SLC30A8: variants seen among roughly 807,000 people sequenced by gnomAD.
SLC30A8 encodes the protein proton-coupled zinc antiporter SLC30A8.
SLC30A8 carries 27 observed loss-of-function variants against 36.9 expected under a neutral mutation model. That is an observed-to-expected ratio of 0.73 (90% CI 0.54 to 1.01). The LOEUF (loss-of-function observed/expected upper bound fraction) is 1.01, where lower values mean the gene tolerates loss of function less well. Among genes scored for constraint, SLC30A8 ranks in the 50% least tolerant of loss-of-function variants. The probability of loss-of-function intolerance (pLI) is 0.00; values close to 1 mark genes in which losing one functional copy is unlikely to be tolerated. For synonymous variants in SLC30A8, 164 were observed against 172.4 expected (o/e 0.95, Z 0.38); for missense variants, 439 against 452.0 (o/e 0.97, Z 0.26).
At chr8:116,965,687 C>T (rs1306995347) in intron 1 of SLC30A8, among the ~76,000 whole-genome samples, 3 of 152,126 alleles carry the variant, frequency 2.0e-5, no homozygotes, top group Admixed American at 2.0e-4. Context: ...CATTCTCTTT[C>T]CCCTCCTGAC....
At position 117,170,894 on chromosome 8, in the gene SLC30A8, T is replaced by C. The variant is rs115080302; in HGVS notation, c.830-140T>C. On this transcript the variant is annotated intron_variant, in intron 6 of 7. Transcript: ENST00000456015. The stretch of plus-strand genomic sequence containing the variant: ...CCTTGAAGTAGTCAGGTAAATCTTA[T>C]TTGTAAACATTTGAAGTAAGAAACC... 4,367 of 676,670 alleles carry C rather than the reference T, an allele frequency of 6.5e-3. 107 individuals carry two copies. The highest frequency in any genetic ancestry group is 0.058 in the East Asian group (2,016 of 35,032). The allele number at this position is 676,670 out of a possible 1,614,324, so 41.9% of individuals were successfully genotyped here.
chr8:117,040,040 C>T (rs879829218), intron 2 of SLC30A8, among the ~76,000 whole-genome samples: 12 of 152,210 alleles, frequency 7.9e-5, no homozygotes, highest in Non-Finnish European at 1.6e-4. Context: ...CCCCATCTCA[C>T]GTAGCCTGTG....
At chr8:116,967,676 G>A (rs760421404) in intron 1 of SLC30A8, among the ~76,000 whole-genome samples, 1 of 152,104 alleles carries the variant, frequency 6.6e-6, no homozygotes, top group Non-Finnish European at 1.5e-5. Flanking sequence ...GGTTTCTTAC[G>A]GTGGCGTGTA....
chr8:116,955,769 G>A (rs796165270), intron 1 of SLC30A8, among the ~76,000 whole-genome samples: 1 of 151,916 alleles, frequency 6.6e-6, no homozygotes, highest in Non-Finnish European at 1.5e-5. Flanking sequence ...CAGAGATGCT[G>A]AGGTTTGTTG....
At chr8:116,985,262 G>T (rs980661038) in intron 1 of SLC30A8, among the ~76,000 whole-genome samples, 10 of 147,986 alleles carry the variant, frequency 6.8e-5, no homozygotes, top group Non-Finnish European at 1.3e-4. Context: ...ATTTCTCTAA[G>T]TATATGCAAG....
At chr8:117,079,782 A>G (rs1818605597) in intron 2 of SLC30A8, among the ~76,000 whole-genome samples, 1 of 152,234 alleles carries the variant, frequency 6.6e-6, no homozygotes, top group Admixed American at 6.5e-5. Context: ...ATAGAGAAAC[A>G]GACAACTGGG....
intron 1 of SLC30A8, among the ~76,000 whole-genome samples, chr8:117,007,889 A>G (rs1816232779): frequency 6.6e-6 from 1 of 152,060 alleles, no homozygotes; most frequent in South Asian, 2.1e-4. Context: ...ACACAAAAAC[A>G]CTTAAAAACA....
intron 1 of SLC30A8, among the ~76,000 whole-genome samples, chr8:117,015,349 A>C (rs1487069807): frequency 2.6e-5 from 4 of 152,082 alleles, no homozygotes; most frequent in Admixed American, 1.3e-4. Flanking sequence ...CAGACACACA[A>C]ACACATACAC....
At chr8:116,966,204 G>A (rs1462475931) in intron 1 of SLC30A8, among the ~76,000 whole-genome samples, 5 of 152,134 alleles carry the variant, frequency 3.3e-5, no homozygotes, top group Admixed American at 1.3e-4. Flanking sequence ...TGTAGCTGAA[G>A]CATGGTATAA....
At chr8:117,132,193 T>C (rs766741174), upstream of SLC30A8, among the ~76,000 whole-genome samples, 1 of 152,058 alleles carries the variant, frequency 6.6e-6, no homozygotes, top group Non-Finnish European at 1.5e-5. Flanking sequence ...TACTTTAGTA[T>C]CTAGGGATAA....
At chr8:117,093,390 T>G (rs1819218930) in intron 2 of SLC30A8, among the ~76,000 whole-genome samples, 1 of 151,730 alleles carries the variant, frequency 6.6e-6, no homozygotes, top group Non-Finnish European at 1.5e-5. Flanking sequence ...CAAATAAGAC[T>G]TAATAAGAAT....
chr8:117,054,098 C>CTTTTTTTTTTTTTTTTT (rs4060800), intron 2 of SLC30A8, among the ~76,000 whole-genome samples: 1 of 124,170 alleles, frequency 8.1e-6, no homozygotes, highest in African/African-American at 3.1e-5. Flanking sequence ...CTGCAAAAAT[C>CTTTTTTTTTTTTTTTTT]TTTTTTTTTT....
At chr8:117,013,172 A>G (rs542578526) in intron 1 of SLC30A8, among the ~76,000 whole-genome samples, 1 of 152,326 alleles carries the variant, frequency 6.6e-6, no homozygotes, top group South Asian at 2.1e-4. Flanking sequence ...TAGAAATGTC[A>G]AGAAATTTGG....
intron 1 of SLC30A8, among the ~76,000 whole-genome samples, chr8:117,137,505 CT>C (rs1229716959): frequency 4.6e-5 from 7 of 151,978 alleles, no homozygotes; most frequent in African/African-American, 7.2e-5. Flanking sequence ...TTACGATTCT[CT>C]GGGTCAGGAT....
intron 1 of SLC30A8, among the ~76,000 whole-genome samples, chr8:117,026,609 T>C (rs994277471): frequency 6.6e-6 from 1 of 152,186 alleles, no homozygotes; most frequent in African/African-American, 2.4e-5. Flanking sequence ...AGAAAAGCTC[T>C]TAGATGAAGT....
In SLC30A8 at chr8:117,175,362, C is replaced by G. The variant is rs560731778; in HGVS notation, c.*2681C>G. ...GCACCTACTTAAGATTTATCTAGGG[C>G]TCTGTGGTGATGTTAGGACCCATAA... On this transcript the variant is annotated 3_prime_UTR_variant, in exon 8 of 8. Coordinates refer to ENST00000456015, the MANE Select transcript of SLC30A8 (RefSeq NM_173851.3). 1 of 152,102 alleles carries G rather than the reference C, an allele frequency of 6.6e-6. No individual in the cohort carries two copies. The highest frequency in any genetic ancestry group is 2.4e-5 in the African/African-American group (1 of 41,434). The allele number at this position is 152,102 out of a possible 1,614,324, so 9.4% of individuals were successfully genotyped here.
rs17744897 is a variant in SLC30A8, at chr8:117,008,778, C to A, written c.-265-30441C>A. ...GCTTTGTGTAGCCCAGTGTTGCCTT[C>A]AGCCCCAGAGCCTAGCCTGATGATA... On this transcript the variant is annotated intron_variant, in intron 1 of 10. Transcript: ENST00000427715. Among the ~76,000 whole-genome samples, 1,850 of 152,302 alleles carry A rather than the reference C, an allele frequency of 0.012. 81 individuals are homozygous for A. In the East Asian group the frequency reaches 0.17, roughly 14 times the overall value.
chr8:117,116,898 T>C (rs1820466739), intron 2 of SLC30A8, among the ~76,000 whole-genome samples: 1 of 152,036 alleles, frequency 6.6e-6, no homozygotes, highest in Non-Finnish European at 1.5e-5. Flanking sequence ...AGAAGGCCAG[T>C]ATTTGGGCAA....
intron 1 of SLC30A8, among the ~76,000 whole-genome samples, chr8:116,986,927 A>G (rs1815462730): frequency 1.3e-5 from 2 of 152,160 alleles, no homozygotes; most frequent in Admixed American, 6.6e-5. Flanking sequence ...TTCATGTTCT[A>G]AGAAGAAATG....
Sources: allele counts gnomAD v4.1 joint callset (sites outside exome capture counted in the v4.1 genomes callset), GRCh38; gene constraint gnomAD v4.1.1; transcripts MANE v1.5; gene names NCBI Gene and HGNC (gene_info 2026-07-23, HGNC 2026-07-21).